The following SETBP1 variants were observed in gnomAD, a reference collection of about 807,000 sequenced individuals.
SETBP1 encodes the protein SET binding protein 1, also known as SET-binding protein.
In SETBP1, 9 loss-of-function variants were observed where a neutral mutation model predicts 101.0. That is an observed-to-expected ratio of 0.09 (90% confidence interval 0.05 to 0.16). The LOEUF (loss-of-function observed/expected upper bound fraction) is 0.16. Among genes scored for constraint, SETBP1 ranks in the 10% least tolerant of loss-of-function variants. The pLI, the probability that SETBP1 is intolerant of heterozygous loss-of-function variation, is 1.00. For synonymous variants in SETBP1, 818 were observed against 788.5 expected, an observed-to-expected ratio of 1.04 and a Z score of -0.63; for missense variants, 1,858 against 2,033.8, an observed-to-expected ratio of 0.91 and a Z score of 1.66.
At position 45,022,496 on chromosome 18, in the gene SETBP1, T is replaced by G. The variant is rs560786395; in HGVS notation, c.4001-15989T>G. ...CTCATTTTTCTAGTAGTCATGGCTC[T>G]TACACCTGAGCCTGTGATCCTTCTC... On this transcript the variant is annotated intron_variant, in intron 4 of 5. Transcript: ENST00000649279. Among the ~76,000 whole-genome samples, 4 of 152,318 alleles carry G rather than the reference T, an allele frequency of 2.6e-5. No individual in the cohort carries two copies. In the South Asian group the frequency reaches 8.3e-4, roughly 32 times the overall value.
At chr18:44,993,951 C>T (rs918797639) in intron 4 of SETBP1, among the ~76,000 whole-genome samples, 2 of 151,826 alleles carry the variant, frequency 1.3e-5, no homozygotes, top group African/African-American at 4.8e-5. Context: ...ACTTTATGGC[C>T]CCAGAATAGG....
intron 3 of SETBP1, among the ~76,000 whole-genome samples, chr18:44,933,056 G>A (rs946328316): frequency 6.6e-6 from 1 of 152,194 alleles, no homozygotes; most frequent in Non-Finnish European, 1.5e-5. Flanking sequence ...CAGCTTTTCA[G>A]TTGTGGTTTC....
At chr18:44,929,366 T>C (rs372124430) in intron 3 of SETBP1, among the ~76,000 whole-genome samples, 1 of 152,190 alleles carries the variant, frequency 6.6e-6, no homozygotes, top group Non-Finnish European at 1.5e-5. Context: ...AGTCAGGTAG[T>C]GTGATGCCTC....
chr18:45,039,524 C>G (rs766579429), intron 5 of SETBP1, among the ~76,000 whole-genome samples: 1 of 152,214 alleles, frequency 6.6e-6, no homozygotes, highest in Admixed American at 6.5e-5. Context: ...CCCCTCATTT[C>G]GTAGACTGCA....
chr18:45,036,407 G>A (rs2073399515), intron 4 of SETBP1, among the ~76,000 whole-genome samples: 1 of 151,582 alleles, frequency 6.6e-6, no homozygotes, highest in African/African-American at 2.4e-5. Context: ...TCCTTCCTCA[G>A]AATAACCACT....
At chr18:44,752,571 T>A (rs1199200602) in intron 2 of SETBP1, among the ~76,000 whole-genome samples, 4 of 152,236 alleles carry the variant, frequency 2.6e-5, no homozygotes, top group East Asian at 1.9e-4. Context: ...TGTCTCTATG[T>A]CATCTAAAGA....
chr18:44,914,145 G>A (rs2070376703), intron 3 of SETBP1, among the ~76,000 whole-genome samples: 1 of 152,126 alleles, frequency 6.6e-6, no homozygotes, highest in African/African-American at 2.4e-5. Flanking sequence ...CATACTCTTT[G>A]TGTGTGTTTT....
chr18:44,907,527 A>C (rs192910363), intron 3 of SETBP1, among the ~76,000 whole-genome samples: 2 of 152,170 alleles, frequency 1.3e-5, no homozygotes, highest in African/African-American at 4.8e-5. Flanking sequence ...TCTGTCGTCC[A>C]TCTGTTTTAT....
intron 2 of SETBP1, among the ~76,000 whole-genome samples, chr18:44,703,347 GGTTTTTTTTTTTTTTTTTTTTTTT>G: frequency 1.7e-5 from 1 of 59,428 alleles, no homozygotes; most frequent in Non-Finnish European, 3.5e-5. Flanking sequence ...GTTACCATTA[GGTTTTTTTTTTTTTTTTTTTTTTT>G]TTTTTTTTTT....
At chr18:44,913,146 G>T (rs1205232249) in intron 3 of SETBP1, among the ~76,000 whole-genome samples, 3 of 152,196 alleles carry the variant, frequency 2.0e-5, no homozygotes, top group Non-Finnish European at 4.4e-5. Flanking sequence ...ATTACCAGGG[G>T]AATTTTCCTT....
At chr18:44,998,286 G>C (rs1273108082) in intron 4 of SETBP1, among the ~76,000 whole-genome samples, 1 of 152,224 alleles carries the variant, frequency 6.6e-6, no homozygotes, top group Non-Finnish European at 1.5e-5. Context: ...CACCTGAGTG[G>C]GGTGGTAGCC....
Position 44,952,976 on chromosome 18 carries a change from C to T in SETBP1, c.3636C>T (p.His1212=), listed in dbSNP as rs1013206439. The change falls in exon 4 of 6, where the codon CAC becomes CAT. Residue 1212 remains histidine (H), a synonymous_variant. Coordinates refer to ENST00000649279, the MANE Select transcript of SETBP1 (RefSeq NM_015559.3). The part of the protein sequence containing the change: ...EKNKHKEKQK[H]QHSEAGHKAS... ...ACAAGCATAAGGAGAAACAGAAGCA[C>T]CAGCACAGCGAAGCCGGCCACAAAG... 6.2e-7 allele frequency: 1 copy of T among 1,614,164 alleles called. No individual in the cohort carries two copies.
At chr18:44,861,853 T>C (rs565625361) in intron 2 of SETBP1, among the ~76,000 whole-genome samples, 7 of 152,308 alleles carry the variant, frequency 4.6e-5, no homozygotes, top group Admixed American at 1.3e-4. Context: ...TAAAACAAAT[T>C]ATATGTCAAG....
intron 2 of SETBP1, among the ~76,000 whole-genome samples, chr18:44,748,019 G>A (rs553345661): frequency 6.6e-6 from 1 of 152,340 alleles, no homozygotes; most frequent in South Asian, 2.1e-4. Context: ...GGGAGGCTGA[G>A]TGGGGTGGGG....
intron 3 of SETBP1, among the ~76,000 whole-genome samples, chr18:44,909,311 C>T (rs944448938): frequency 6.6e-6 from 1 of 152,210 alleles, no homozygotes; most frequent in African/African-American, 2.4e-5. Context: ...TGCTACTCCA[C>T]CTCTAGCTGG....
intron 2 of SETBP1, among the ~76,000 whole-genome samples, chr18:44,816,052 G>A (rs969974463): frequency 1.3e-5 from 2 of 152,252 alleles, no homozygotes; most frequent in East Asian, 1.9e-4. Context: ...AGAAACAGTC[G>A]AGAGACCCTG....
At chr18:44,946,042 G>A (rs759353295) in intron 3 of SETBP1, among the ~76,000 whole-genome samples, 2 of 152,310 alleles carry the variant, frequency 1.3e-5, no homozygotes. Flanking sequence ...CAGATGAAGC[G>A]CATTGTAATG....
intron 3 of SETBP1, among the ~76,000 whole-genome samples, chr18:44,930,573 T>C (rs983109976): frequency 1.3e-5 from 2 of 152,238 alleles, no homozygotes; most frequent in Non-Finnish European, 2.9e-5. Flanking sequence ...TCCTAGACTT[T>C]TTTTGATTGG....
chr18:44,752,916 T>G (rs1420630526), intron 2 of SETBP1, among the ~76,000 whole-genome samples: 1 of 152,226 alleles, frequency 6.6e-6, no homozygotes, highest in South Asian at 2.1e-4. Context: ...GCTTACAACA[T>G]TCTTCAAATT....
Sources: gnomAD v4.1 joint callset for allele counts (sites outside exome capture counted in the v4.1 genomes callset) on GRCh38, gnomAD v4.1.1 for gene constraint, MANE v1.5 for transcripts, NCBI Gene and HGNC (gene_info 2026-07-23, HGNC 2026-07-21) for gene names.